The following ZNF697 variants were observed in gnomAD, a reference collection of about 807,000 sequenced individuals.
ZNF697 encodes the protein zinc finger protein 697.
A neutral mutation model predicts 32.4 loss-of-function variants in ZNF697; 23 were observed. The ratio of observed to expected loss-of-function variants is 0.71; its 90% confidence interval spans 0.51 to 1.01. The LOEUF (loss-of-function observed/expected upper bound fraction) is 1.01, where lower values mean the gene tolerates loss of function less well. Ranked by LOEUF, ZNF697 falls within the 50% of genes least tolerant of loss-of-function variation. The pLI, the probability that ZNF697 is intolerant of heterozygous loss-of-function variation, is 0.00. For synonymous variants in ZNF697, 418 were observed against 337.2 expected (o/e 1.24, Z -2.62); for missense variants, 930 against 794.0 (o/e 1.17, Z -2.06).
chr1:119,648,202 T>TTGGCTGGCTGGCTGGCTGGCTGGC lies in ZNF697; in HGVS notation c.-573_-550dup, dbSNP rs587734493. The stretch of plus-strand genomic sequence containing the variant: ...GCTGGGTGGCCCGCTGGCTGGCTGG[T>TTGGCTGGCTGGCTGGCTGGCTGGC]TGGCTGGCTGGCTGGCTGGCTGGCT... On this transcript the variant is annotated 5_prime_UTR_variant, in exon 1 of 3. Transcript: ENST00000421812. 7.2e-4 allele frequency among the ~76,000 whole-genome samples: 108 copies of TTGGCTGGCTGGCTGGCTGGCTGGC among 150,402 alleles called. No homozygotes were observed. The highest frequency in any genetic ancestry group is 1.1e-3 in the Non-Finnish European group (76 of 67,318).
chr1:119,626,631 G>A (rs933002823), intron 1 of ZNF697, among the ~76,000 whole-genome samples: 3 of 152,174 alleles, frequency 2.0e-5, no homozygotes, highest in Admixed American at 6.5e-5. Flanking sequence ...TTTGGTTATC[G>A]TGCAAGTATT....
At chr1:119,630,086 T>TA (rs1317867924) in intron 1 of ZNF697, among the ~76,000 whole-genome samples, 2 of 152,178 alleles carry the variant, frequency 1.3e-5, no homozygotes, top group Non-Finnish European at 2.9e-5. Context: ...GGAAAAGCAA[T>TA]AGAGTGGTGG....
chr1:119,633,395 TAGAGAGAGAG>T (rs1212878397), intron 1 of ZNF697, among the ~76,000 whole-genome samples: 1 of 143,634 alleles, frequency 7.0e-6, no homozygotes, highest in African/African-American at 2.6e-5. Context: ...TGTGTGTGTA[TAGAGAGAGAG>T]AGAGAGAGAG....
chr1:119,632,460 C>CT lies in ZNF697; in HGVS notation c.-37-6324dup, dbSNP rs373823475. Among the ~76,000 whole-genome samples the CT allele has an allele frequency of 3.9e-5, 6 of 152,326 alleles. No individual in the cohort carries two copies. In the South Asian group the frequency reaches 6.2e-4, roughly 16 times the overall value. On this transcript the variant is annotated intron_variant, in intron 1 of 2. Transcript: ENST00000421812. ...TATGGTTTCTGCCTTGTGGTTACTG[C>CT]TTTTTTTACCTGGAGAGGGAAGCCC... is the stretch of plus-strand genomic sequence containing the variant.
At position 119,648,202 on chromosome 1, in the gene ZNF697, T is replaced by TGGTTGGCTGGCTGGCTGGC. The variant is rs1553230568; in HGVS notation, c.-550_-549insGCCAGCCAGCCAGCCAACC. Among the ~76,000 whole-genome samples, 1 of 150,298 alleles carries TGGTTGGCTGGCTGGCTGGC rather than the reference T, an allele frequency of 6.7e-6. No individual in the cohort carries two copies. Among genetic ancestry groups the TGGTTGGCTGGCTGGCTGGC allele is most frequent in the Non-Finnish European group, 1.5e-5 (1 of 67,328 alleles). ...GCTGGGTGGCCCGCTGGCTGGCTGG[T>TGGTTGGCTGGCTGGCTGGC]TGGCTGGCTGGCTGGCTGGCTGGCT... On this transcript the variant is annotated 5_prime_UTR_variant, in exon 1 of 3. Coordinates refer to ENST00000421812, the MANE Select transcript of ZNF697 (RefSeq NM_001080470.2).
At chr1:119,627,049 G>A (rs1648612041) in intron 1 of ZNF697, among the ~76,000 whole-genome samples, 1 of 152,094 alleles carries the variant, frequency 6.6e-6, no homozygotes, top group African/African-American at 2.4e-5. Flanking sequence ...AATTTAAAGG[G>A]CCCCCTGCCA....
intron 1 of ZNF697, among the ~76,000 whole-genome samples, chr1:119,644,278 T>C (rs1382749856): frequency 1.3e-5 from 2 of 152,202 alleles, no homozygotes; most frequent in Non-Finnish European, 2.9e-5. Flanking sequence ...ACACACACAG[T>C]TCTTTACCCA....
Position 119,626,121 on chromosome 1 carries a change from G to A in ZNF697, c.-21C>T, listed in dbSNP as rs1336886415. On this transcript the variant is annotated 5_prime_UTR_variant, in exon 2 of 3. Transcript: ENST00000421812. ...TTCATCCAGGAAGAAAAGAGCAAGGGAGGTGACCAGGAATCCCTGCTCCAG... is the reference window on the plus strand; with the variant it reads ...TTCATCCAGGAAGAAAAGAGCAAGGAAGGTGACCAGGAATCCCTGCTCCAG... 12 of 1,613,054 alleles carry A rather than the reference G, an allele frequency of 7.4e-6. No homozygotes were observed. The Admixed American group carries it at 1.2e-4, about 16-fold the overall frequency.
chr1:119,626,288 G>C (rs989465297), intron 1 of ZNF697, among the ~76,000 whole-genome samples, 151 bp from the exon 2 acceptor site: 1 of 152,232 alleles, frequency 6.6e-6, no homozygotes, highest in Admixed American at 6.5e-5. Flanking sequence ...AAGTAAACAA[G>C]TGAGTGCAAA....
intron 1 of ZNF697, 126 bp from the exon 2 acceptor site, chr1:119,626,263 T>TCACTC (rs1648584687): frequency 4.0e-6 from 5 of 1,254,168 alleles, no homozygotes; most frequent in Non-Finnish European, 5.4e-6. Flanking sequence ...AACCTCCACT[T>TCACTC]CACTCCACAT....
intron 1 of ZNF697, among the ~76,000 whole-genome samples, chr1:119,628,803 A>T (rs964950099): frequency 3.3e-5 from 5 of 152,244 alleles, no homozygotes; most frequent in African/African-American, 1.2e-4. Context: ...AGGAAAGATG[A>T]TCACGATGTA....
rs1228169549 is a variant in ZNF697 at position 119,626,154 on chromosome 1, CAAAG to C, written c.-37-21_-37-18del. The C allele has an allele frequency of 5.0e-6, 8 of 1,609,296 alleles. No homozygotes were observed. Among genetic ancestry groups the C allele is most frequent in the South Asian group, 2.2e-5 (2 of 90,544 alleles). On this transcript the variant is annotated intron_variant, in intron 1 of 2. Transcript: ENST00000421812. ...CAGGAATCCCTGCTCCAGAAAAACA[CAAAG>C]AAAGGTCACGTCAGTCCGGTCTCAT...
At chr1:119,645,557 C>T (rs347911) in intron 1 of ZNF697, among the ~76,000 whole-genome samples, 92,919 of 151,952 alleles carry the variant, frequency 0.61, 29,203 homozygotes, top group East Asian at 0.91. Context: ...CGGACAGTCA[C>T]GGAGGTAGAA....
At chr1:119,625,264 C>T (rs12565943) in intron 2 of ZNF697, among the ~76,000 whole-genome samples, 4 of 152,158 alleles carry the variant, frequency 2.6e-5, no homozygotes, top group African/African-American at 9.6e-5. Flanking sequence ...CATTTCTGTC[C>T]CCAGAGCATG....
intron 1 of ZNF697, among the ~76,000 whole-genome samples, chr1:119,640,068 T>G (rs1207065316): frequency 7.2e-5 from 11 of 152,232 alleles, no homozygotes; most frequent in Admixed American, 7.2e-4. Flanking sequence ...CTTAAGATAC[T>G]TTTTCTTATT....
chr1:119,630,052 TAAG>T (rs1648716636), intron 1 of ZNF697, among the ~76,000 whole-genome samples: 1 of 152,112 alleles, frequency 6.6e-6, no homozygotes, highest in Non-Finnish European at 1.5e-5. Flanking sequence ...CTTCCCCCAA[TAAG>T]AAGGAATAGA....
At chr1:119,631,102 C>G (rs1396652142) in intron 1 of ZNF697, among the ~76,000 whole-genome samples, 1 of 152,236 alleles carries the variant, frequency 6.6e-6, no homozygotes, top group Non-Finnish European at 1.5e-5. Flanking sequence ...ACAACTCCCC[C>G]ACCAACCTGG....
chr1:119,630,763 GAGGC>G lies in ZNF697; in HGVS notation c.-37-4630_-37-4627del, dbSNP rs587760438. On this transcript the variant is annotated intron_variant, in intron 1 of 2. Transcript: ENST00000421812. The stretch of plus-strand genomic sequence containing the variant: ...TTTAGTCCCAGCTACTTGGGAGGCT[GAGGC>G]AGGAGGATCACTGGAGCCCAGGAGT... 3.0e-3 allele frequency among the ~76,000 whole-genome samples: 456 copies of G among 152,292 alleles called. 2 individuals carry two copies. The highest frequency in any genetic ancestry group is 0.01 in the African/African-American group (435 of 41,560).
intron 1 of ZNF697, among the ~76,000 whole-genome samples, chr1:119,645,226 T>A (rs1412263588): frequency 6.6e-6 from 1 of 152,176 alleles, no homozygotes; most frequent in Admixed American, 6.5e-5. Flanking sequence ...ATTTTCACAA[T>A]TGCAATGAAT....
Sources: gnomAD v4.1 joint callset for allele counts (sites outside exome capture counted in the v4.1 genomes callset) on GRCh38, gnomAD v4.1.1 for gene constraint, MANE v1.5 for transcripts, NCBI Gene and HGNC (gene_info 2026-07-23, HGNC 2026-07-21) for gene names.